Variants in ARMC6 observed in about 807,000 individuals in gnomAD.
The protein encoded by ARMC6 is armadillo repeat containing 6.
Under a neutral mutation model 49.2 loss-of-function variants are expected in ARMC6, and 43 were observed. That is an observed-to-expected ratio of 0.87 (90% CI 0.69 to 1.13). The LOEUF (loss-of-function observed/expected upper bound fraction) is 1.13, where lower values mean the gene tolerates loss of function less well. Ranked by LOEUF, ARMC6 falls within the 50% of genes most tolerant of loss-of-function variation. ARMC6 has a pLI of 0.00. For synonymous variants in ARMC6, 262 were observed against 289.6 expected (o/e 0.90, Z 0.97); for missense variants, 627 against 682.0 (o/e 0.92, Z 0.90).
chr19:19,042,788 T>C lies in ARMC6; in HGVS notation c.107T>C (p.Phe36Ser). 6.2e-7 allele frequency: 1 copy of C among 1,614,068 alleles called. No individual in the cohort carries two copies. The highest frequency in any genetic ancestry group is 8.5e-7 in the Non-Finnish European group (1 of 1,180,044). The change falls in exon 3 of 9, where the codon TTT becomes TCT. Residue 36 changes from phenylalanine (F) to serine (S), a missense_variant. Phe to Ser is a radical substitution (Grantham distance 155). Coordinates refer to ENST00000535612, the MANE Select transcript of ARMC6 (RefSeq NM_001199196.2). ...TCCAAGCGCATTGCCCAGGAGACCTTTGATGCAGCTGTGCGCGAGAACATC... is the reference window on the plus strand; with the variant it reads ...TCCAAGCGCATTGCCCAGGAGACCTCTGATGCAGCTGTGCGCGAGAACATC... ...MVSKRIAQET[F>S]DAAVRENIEE...
chr19:19,034,832 T>C (rs527272204), intron 2 of ARMC6, among the ~76,000 whole-genome samples: 1 of 150,322 alleles, frequency 6.7e-6, no homozygotes, highest in East Asian at 2.0e-4. Flanking sequence ...CCTGAGTAGC[T>C]GGGATTACCG....
At chr19:19,037,774 C>G in intron 2 of ARMC6, 2 of 845,034 alleles carry the variant, frequency 2.4e-6, no homozygotes, top group South Asian at 4.2e-5. Flanking sequence ...GACCTAAGGC[C>G]TGTTCCTCCT....
rs1479213979 is a variant in ARMC6, at chr19:19,055,090, G to A, written c.1024-175G>A. Among the ~76,000 whole-genome samples, 2 of 152,182 alleles carry A rather than the reference G, an allele frequency of 1.3e-5. No homozygotes were observed. The highest frequency in any genetic ancestry group is 2.1e-4 in the South Asian group (1 of 4,834). ...GGGATCAAGTCACCTGGATGGTACC[G>A]TTTGGACACAGGCAGCCTGAGCCAC... On this transcript the variant is annotated intron_variant, in intron 6 of 8. Transcript: ENST00000535612. This position sits in a 1 kb window ranked among gnomAD's most constrained non-coding sequence, Gnocchi z 5.7.
intron 4 of ARMC6, among the ~76,000 whole-genome samples, chr19:19,045,024 C>T (rs7252085): frequency 0.023 from 3,557 of 152,106 alleles, 133 homozygotes; most frequent in African/African-American, 0.081. Context: ...ATTTATTTAT[C>T]TATTGAGACA....
Position 19,055,488 on chromosome 19 carries a change from G to A in ARMC6, c.1155+92G>A. On this transcript the variant is annotated intron_variant, in intron 7 of 8. Coordinates refer to ENST00000535612, the MANE Select transcript of ARMC6 (RefSeq NM_001199196.2). This position sits in a 1 kb window ranked among gnomAD's most constrained non-coding sequence, Gnocchi z 5.7. ...CTGCATGAAGCTCTATTCCCCTGCA[G>A]GGCCAGGGCAGGGCTGGTGAGGGTC... 2 of 1,490,420 alleles carry A rather than the reference G, an allele frequency of 1.3e-6. No homozygotes were observed. Among genetic ancestry groups the A allele is most frequent in the Non-Finnish European group, 1.8e-6 (2 of 1,117,350 alleles). 92.3% of individuals were successfully genotyped at this position (1,490,420 alleles called of 1,614,324 possible).
At chr19:19,036,114 T>C (rs1415634728) in intron 2 of ARMC6, among the ~76,000 whole-genome samples, 2 of 152,120 alleles carry the variant, frequency 1.3e-5, no homozygotes, top group African/African-American at 4.8e-5. Context: ...CAGGCTGGAG[T>C]GCAATGGCGC....
intron 2 of ARMC6, among the ~76,000 whole-genome samples, chr19:19,040,358 G>C (rs2059402010): frequency 6.6e-6 from 1 of 152,206 alleles, no homozygotes; most frequent in African/African-American, 2.4e-5. Context: ...ATCGGAAGCA[G>C]AACTTTTCCT....
chr19:19,055,331 A>G lies in ARMC6; in HGVS notation c.1090A>G (p.Ile364Val), dbSNP rs1462611005. ...AGGCAACGACGACGTGAAAGATGCT[A>G]TTGTCCGTGCTGGTGGGACGGAGTC... is the stretch of plus-strand genomic sequence containing the variant. ...IAGNDDVKDAIVRAGGTESIV... is the reference protein window; with the variant it reads ...IAGNDDVKDAVVRAGGTESIV... Residue 364 changes from isoleucine to valine, a missense_variant, in exon 7 of 9, where the codon ATT (isoleucine) becomes GTT (valine). Ile to Val is a conservative substitution (Grantham distance 29). Transcript: ENST00000535612. This position sits in a 1 kb window ranked among gnomAD's most constrained non-coding sequence, Gnocchi z 5.7. The G allele has an allele frequency of 1.9e-6, 3 of 1,613,280 alleles. No individual in the cohort carries two copies. Among genetic ancestry groups the G allele is most frequent in the South Asian group, 2.2e-5 (2 of 91,018 alleles).
intron 1 of ARMC6, 98 bp from the exon 2 acceptor site, chr19:19,034,033 A>G (rs2059308193): frequency 5.1e-6 from 3 of 586,826 alleles, no homozygotes; most frequent in South Asian, 4.0e-5. Flanking sequence ...TTGGGGGGAA[A>G]AAAAAAATGA....
At chr19:19,050,588 T>C (rs956206178) in intron 4 of ARMC6, among the ~76,000 whole-genome samples, 3 of 152,228 alleles carry the variant, frequency 2.0e-5, no homozygotes, top group African/African-American at 4.8e-5. Context: ...TTAGTGGCCA[T>C]TTGTATGTAT....
intron 2 of ARMC6, among the ~76,000 whole-genome samples, chr19:19,042,452 G>A (rs1271838157): frequency 6.6e-6 from 1 of 152,104 alleles, no homozygotes; most frequent in African/African-American, 2.4e-5. Context: ...AGGCTCAAGT[G>A]ATCCTCCCAC....
In ARMC6 at chr19:19,046,937, T is replaced by TTTTC. The variant is rs927866347; in HGVS notation, c.279+2866_279+2867insCTTT. Among the ~76,000 whole-genome samples, 10 of 148,802 alleles carry TTTTC rather than the reference T, an allele frequency of 6.7e-5. 1 individual carries two copies. The highest frequency in any genetic ancestry group is 1.2e-4 in the Non-Finnish European group (8 of 67,302). On this transcript the variant is annotated intron_variant, in intron 4 of 8. Transcript: ENST00000535612. ...CCAACATGCTCACCTGTTTTTTTTT[T>TTTTC]TTTTTCTTTTTCTATTTCTTTTTTT...
intron 2 of ARMC6, among the ~76,000 whole-genome samples, chr19:19,040,434 T>TA (rs1196860367): frequency 7.9e-5 from 12 of 152,052 alleles, no homozygotes; most frequent in African/African-American, 1.7e-4. Flanking sequence ...AGGTTTTTTT[T>TA]AAAAAAATTG....
chr19:19,054,375 G>A (rs529163386), intron 6 of ARMC6, 54 bp downstream of exon 6: 13 of 1,445,344 alleles, frequency 9.0e-6, no homozygotes, highest in Admixed American at 7.5e-5. Flanking sequence ...CCAGTCAACC[G>A]GACGAGCTAT....
At chr19:19,034,523 G>A (rs190321398) in intron 2 of ARMC6, among the ~76,000 whole-genome samples, 2 of 152,318 alleles carry the variant, frequency 1.3e-5, no homozygotes, top group East Asian at 3.9e-4. Flanking sequence ...GTTTGAACCA[G>A]AGTGGGTGTG....
chr19:19,036,567 C>T (rs1449735712), intron 2 of ARMC6, among the ~76,000 whole-genome samples: 1 of 152,060 alleles, frequency 6.6e-6, no homozygotes, highest in Non-Finnish European at 1.5e-5. Context: ...GAGTGGAGTC[C>T]CCTACTCCTT....
intron 2 of ARMC6, chr19:19,040,718 G>A (rs773349495): frequency 9.2e-6 from 4 of 433,198 alleles, no homozygotes; most frequent in African/African-American, 6.2e-5. Flanking sequence ...GCATGATCTC[G>A]GCTCACTGCA....
chr19:19,043,287 G>A (rs2059424350), intron 3 of ARMC6, among the ~76,000 whole-genome samples: 1 of 152,190 alleles, frequency 6.6e-6, no homozygotes, highest in Admixed American at 6.5e-5. Flanking sequence ...TGTTTGCAAT[G>A]GTGTGGGTGG....
At chr19:19,050,686 A>G (rs1304614569) in intron 4 of ARMC6, among the ~76,000 whole-genome samples, 1 of 152,206 alleles carries the variant, frequency 6.6e-6, no homozygotes, top group Non-Finnish European at 1.5e-5. Flanking sequence ...ATCTCATTTT[A>G]GCAAAAACTT....
Sources: allele counts gnomAD v4.1 joint callset (sites outside exome capture counted in the v4.1 genomes callset), GRCh38; gene constraint gnomAD v4.1.1; non-coding constraint Gnocchi (gnomAD v3.1); transcripts MANE v1.5; gene names NCBI Gene and HGNC (gene_info 2026-07-23, HGNC 2026-07-21).